Variants in RFX4 observed in about 807,000 individuals in gnomAD.
RFX4 encodes the protein transcription factor RFX4.
In RFX4, 10 loss-of-function variants were observed where a neutral mutation model predicts 95.0. The ratio of observed to expected loss-of-function variants is 0.11; its 90% CI spans 0.06 to 0.18. The LOEUF is 0.18. Ranked by LOEUF, RFX4 falls within the 10% of genes least tolerant of loss-of-function variation. The pLI is 1.00. For missense variants in RFX4, 640 were observed against 922.0 expected (o/e 0.69, Z 3.96); for synonymous variants, 321 against 340.7 (o/e 0.94, Z 0.64).
chr12:106,762,198 A>C lies in RFX4; in HGVS notation c.*729A>C, dbSNP rs1469750119. 6.6e-6 allele frequency: 1 copy of C among 152,558 alleles called. No homozygotes were observed. The highest frequency in any genetic ancestry group is 1.9e-4 in the East Asian group (1 of 5,196). The allele number at this position is 152,558 out of a possible 1,614,324, so 9.5% of individuals were successfully genotyped here. ...TCTTCTACATACAAGGATTTGTCTTAAGTTTGCACAATGGCTAGTGTCAGC... is the reference window on the plus strand; with the variant it reads ...TCTTCTACATACAAGGATTTGTCTTCAGTTTGCACAATGGCTAGTGTCAGC... On this transcript the variant is annotated 3_prime_UTR_variant, in exon 18 of 18. Coordinates refer to ENST00000392842, the MANE Select transcript of RFX4 (RefSeq NM_213594.3).
intron 13 of RFX4, among the ~76,000 whole-genome samples, chr12:106,731,282 A>C (rs2042607684): frequency 6.6e-6 from 1 of 152,024 alleles, no homozygotes; most frequent in African/African-American, 2.4e-5. Context: ...CATGACATGC[A>C]AAAAAAAGCT....
At chr12:106,690,386 T>C (rs1000048989) in intron 7 of RFX4, among the ~76,000 whole-genome samples, 2 of 152,236 alleles carry the variant, frequency 1.3e-5, no homozygotes, top group Non-Finnish European at 2.9e-5. Flanking sequence ...AACTCCCTGC[T>C]TTCTTTCGAA....
At chr12:106,744,030 A>C (rs903610827) in intron 15 of RFX4, among the ~76,000 whole-genome samples, 5 of 152,208 alleles carry the variant, frequency 3.3e-5, no homozygotes, top group African/African-American at 1.2e-4. Flanking sequence ...AAACACTGTA[A>C]AACTCTCCTC....
chr12:106,622,669 A>G lies in RFX4; in HGVS notation c.130+13786A>G, dbSNP rs113076726. Among the ~76,000 whole-genome samples, 244 of 144,916 alleles carry G rather than the reference A, an allele frequency of 1.7e-3. 2 individuals carry two copies. Among genetic ancestry groups the G allele is most frequent in the African/African-American group, 6.0e-3 (233 of 39,028 alleles). On this transcript the variant is annotated intron_variant, in intron 2 of 17. Transcript: ENST00000392842. ...ACAGAGTCTAGCTCACTCTGTTGCCAGGCTGGAGTGCAGTGATCTCAGCTC... is the reference window on the plus strand; with the variant it reads ...ACAGAGTCTAGCTCACTCTGTTGCCGGGCTGGAGTGCAGTGATCTCAGCTC...
intron 7 of RFX4, among the ~76,000 whole-genome samples, chr12:106,693,533 G>A (rs553565978): frequency 1.3e-5 from 2 of 152,218 alleles, no homozygotes; most frequent in Non-Finnish European, 2.9e-5. Flanking sequence ...CAGCTGGGCA[G>A]AGCTTCTTAC....
chr12:106,741,217 G>A (rs1226253341), intron 15 of RFX4, among the ~76,000 whole-genome samples: 1 of 152,036 alleles, frequency 6.6e-6, no homozygotes, highest in East Asian at 1.9e-4. Flanking sequence ...AATGACGGAG[G>A]TTGCAGTGAG....
intron 3 of RFX4, among the ~76,000 whole-genome samples, chr12:106,641,967 C>CTATATCTATATCTATATCTATATCTA (rs371927014): frequency 7.4e-6 from 1 of 134,994 alleles, no homozygotes; most frequent in Non-Finnish European, 1.6e-5. Context: ...ATATCTATAT[C>CTATATCTATATCTATATCTATATCTA]TATCTATATC....
At chr12:106,622,992 T>C (rs2040215442) in intron 2 of RFX4, among the ~76,000 whole-genome samples, 2 of 151,364 alleles carry the variant, frequency 1.3e-5, no homozygotes, top group African/African-American at 2.4e-5. Flanking sequence ...AGTGGTAGAG[T>C]TGAGATTTGA....
chr12:106,589,235 A>C (rs1256590031), intron 1 of RFX4, among the ~76,000 whole-genome samples: 1 of 152,236 alleles, frequency 6.6e-6, no homozygotes, highest in Non-Finnish European at 1.5e-5. Context: ...TAAAAAAAGA[A>C]GAAAATAGAC....
chr12:106,592,535 G>C (rs1352955175), intron 1 of RFX4, among the ~76,000 whole-genome samples: 1 of 152,114 alleles, frequency 6.6e-6, no homozygotes, highest in African/African-American at 2.4e-5. Context: ...CCTGATCGAG[G>C]CCCCTCCACA....
chr12:106,633,315 T>C (rs1219288385), intron 2 of RFX4, among the ~76,000 whole-genome samples: 1 of 152,208 alleles, frequency 6.6e-6, no homozygotes, highest in East Asian at 1.9e-4. Context: ...GAGGTCCTGT[T>C]TCCATTCACC....
At position 106,720,760 on chromosome 12, in the gene RFX4, T is replaced by C; in HGVS notation, c.1235T>C (p.Val412Ala). The change falls in exon 13 of 18, where the codon GTG becomes GCG. Residue 412 changes from valine (V) to alanine (A), a missense_variant and splice_region_variant. Val to Ala is a moderately conservative substitution (Grantham distance 64). Around this residue, in one of 7 missense-constraint regions of RFX4, gnomAD observed 72 missense variants for 80.5 expected, o/e 0.89. Transcript: ENST00000392842. This position sits in a 1 kb window ranked among gnomAD's most constrained non-coding sequence, Gnocchi z 4.2. ...TTAAAGCCATTTACTTTCTTGTAGG[T>C]GGCTGCCAAGAGACAAGGGTCCTTG... ...DTMVDRCVVK[V>A]AAKRQGSLKK... 3 of 1,613,902 alleles carry C rather than the reference T, an allele frequency of 1.9e-6. No individual in the cohort carries two copies. The highest frequency in any genetic ancestry group is 2.5e-6 in the Non-Finnish European group (3 of 1,179,898).
intron 6 of RFX4, among the ~76,000 whole-genome samples, chr12:106,687,415 G>A (rs777084621): frequency 5.3e-5 from 8 of 151,914 alleles, no homozygotes; most frequent in Non-Finnish European, 8.8e-5. Flanking sequence ...TTAGCCAGGT[G>A]TGGAGGTGGG....
At chr12:106,756,813 T>C (rs761447011) in intron 17 of RFX4, among the ~76,000 whole-genome samples, 15 of 152,230 alleles carry the variant, frequency 9.9e-5, no homozygotes, top group Non-Finnish European at 1.5e-4. Context: ...ACCATAGTTA[T>C]AATATTATAT....
intron 2 of RFX4, among the ~76,000 whole-genome samples, chr12:106,611,541 C>T (rs947561001): frequency 1.3e-5 from 2 of 150,440 alleles, no homozygotes; most frequent in Admixed American, 1.3e-4. Flanking sequence ...GACAGAGTCT[C>T]ACTCTGTTGC....
intron 8 of RFX4, among the ~76,000 whole-genome samples, chr12:106,708,285 T>A (rs2042124951): frequency 1.3e-5 from 2 of 151,520 alleles, no homozygotes; most frequent in African/African-American, 4.9e-5. Flanking sequence ...GAGGAAGAGA[T>A]GAACCAGACA....
Position 106,761,451 on chromosome 12 carries a change from T to C in RFX4, c.2190T>C (p.Ser730=). ...TTGCTTACATCAACGGAGAGGCCTC[T>C]ACAGGATGGGCTAAATGACTGCTAT... The part of the protein sequence containing the change: ...PGFAYINGEA[S]TGWAK The change falls in exon 18 of 18, where the codon TCT becomes TCC. Residue 730 remains serine (S), a synonymous_variant. Coordinates refer to ENST00000392842, the MANE Select transcript of RFX4 (RefSeq NM_213594.3). 6.2e-7 allele frequency: 1 copy of C among 1,612,916 alleles called. No homozygotes were observed.
At chr12:106,715,934 C>T (rs762999210) in intron 11 of RFX4, among the ~76,000 whole-genome samples, 9 of 152,136 alleles carry the variant, frequency 5.9e-5, no homozygotes, top group Non-Finnish European at 1.2e-4. Flanking sequence ...TTGAGGGTCA[C>T]GACTCAGCCC....
intron 8 of RFX4, among the ~76,000 whole-genome samples, chr12:106,706,229 G>A (rs910559295): frequency 2.6e-5 from 4 of 152,250 alleles, no homozygotes; most frequent in Admixed American, 6.5e-5. Context: ...GAGAAAGGGA[G>A]AAGGTGCAAG....
Sources: allele counts gnomAD v4.1 joint callset (sites outside exome capture counted in the v4.1 genomes callset), GRCh38; gene constraint gnomAD v4.1.1; regional missense constraint gnomAD v4.1.1; non-coding constraint Gnocchi (gnomAD v3.1); transcripts MANE v1.5; gene names NCBI Gene and HGNC (gene_info 2026-07-23, HGNC 2026-07-21).